The following SREK1IP1 variants were observed in gnomAD, a reference collection of about 807,000 sequenced individuals.
SREK1IP1 encodes protein SREK1IP1.
SREK1IP1 carries 12 observed loss-of-function variants against 22.8 expected under a neutral mutation model. That is an observed-to-expected ratio of 0.53 (90% CI 0.34 to 0.85). The LOEUF is 0.85. Ranked by LOEUF, SREK1IP1 falls within the 40% of genes least tolerant of loss-of-function variation. The pLI is 0.02. For synonymous variants in SREK1IP1, 53 were observed against 52.7 expected, an observed-to-expected ratio of 1.01 and a Z score of -0.02; for missense variants, 147 against 171.8, an observed-to-expected ratio of 0.86 and a Z score of 0.81.
At position 64,732,920 on chromosome 5, in the gene SREK1IP1, A is replaced by G. The variant is rs555206801; in HGVS notation, c.206-4741T>C. 1.7e-3 allele frequency among the ~76,000 whole-genome samples: 242 copies of G among 139,894 alleles called. 2 individuals are homozygous for G. The highest frequency in any genetic ancestry group is 3.9e-3 in the Admixed American group (55 of 14,104). 91.8% of individuals were successfully genotyped at this position (139,894 alleles called of 152,430 possible). A position where few individuals can be genotyped will look rare whatever the true frequency, so the allele number is the denominator to read the frequency against. ...AATAGAACCAACTGATTTTTTGGGGAAAAAAAAAAAAAAGCAAAGCAATTT... is the reference window on the plus strand; with the variant it reads ...AATAGAACCAACTGATTTTTTGGGGGAAAAAAAAAAAAAGCAAAGCAATTT... On this transcript the variant is annotated intron_variant, in intron 3 of 4. Transcript: ENST00000513458.
chr5:64,723,849 C>A lies in SREK1IP1; in HGVS notation c.*535G>T, dbSNP rs1742215136. On this transcript the variant is annotated 3_prime_UTR_variant, in exon 5 of 5. Transcript: ENST00000513458. ...AGTCAAGACCATTAAGCAGCTGCATCTTCTACAACATTGAAAAAAAATCCC... is the reference window on the plus strand; with the variant it reads ...AGTCAAGACCATTAAGCAGCTGCATATTCTACAACATTGAAAAAAAATCCC... 1 of 152,544 alleles carries A rather than the reference C, an allele frequency of 6.6e-6. No homozygotes were observed. Among genetic ancestry groups the A allele is most frequent in the Non-Finnish European group, 1.5e-5 (1 of 68,006 alleles). 9.4% of individuals were successfully genotyped at this position (152,544 alleles called of 1,614,324 possible).
At position 64,749,637 on chromosome 5, in the gene SREK1IP1, C is replaced by T. The variant is rs547456645; in HGVS notation, c.61+4678G>A. Among the ~76,000 whole-genome samples, 516 of 152,126 alleles carry T rather than the reference C, an allele frequency of 3.4e-3. 2 individuals are homozygous for T. Among genetic ancestry groups the T allele is most frequent in the Middle Eastern group, 0.017 (5 of 294 alleles). Reference sequence around the variant, plus strand: ...TTTGTTTTTTGTAGAGATGAGGTTTCGCCATGTTGCCCAGGCTGGTTTCAA... The same window carrying T: ...TTTGTTTTTTGTAGAGATGAGGTTTTGCCATGTTGCCCAGGCTGGTTTCAA... On this transcript the variant is annotated intron_variant, in intron 2 of 4. Transcript: ENST00000513458.
intron 2 of SREK1IP1, among the ~76,000 whole-genome samples, chr5:64,751,692 ATTT>A (rs1742743667): frequency 6.6e-6 from 1 of 152,182 alleles, no homozygotes; most frequent in Admixed American, 6.5e-5. Flanking sequence ...ACTTCTACAG[ATTT>A]CTAGGGAGGC....
chr5:64,758,328 C>T (rs1167110506), intron 1 of SREK1IP1, among the ~76,000 whole-genome samples: 1 of 151,982 alleles, frequency 6.6e-6, no homozygotes, highest in African/African-American at 2.4e-5. Context: ...GCCACCACAC[C>T]CGGCTAATTT....
intron 3 of SREK1IP1, among the ~76,000 whole-genome samples, chr5:64,730,097 C>T (rs1456910513): frequency 6.6e-6 from 1 of 152,028 alleles, no homozygotes; most frequent in Non-Finnish European, 1.5e-5. Context: ...CATTTACGGG[C>T]TGAGAAGAGC....
intron 4 of SREK1IP1, among the ~76,000 whole-genome samples, chr5:64,725,952 C>T (rs1430458916): frequency 9.3e-5 from 14 of 150,458 alleles, no homozygotes; most frequent in Admixed American, 2.0e-4. Flanking sequence ...GCAACCTCCG[C>T]TCCCCCGAGT....
intron 3 of SREK1IP1, among the ~76,000 whole-genome samples, chr5:64,732,953 G>T (rs1742403105): frequency 6.6e-6 from 1 of 150,618 alleles, no homozygotes; most frequent in South Asian, 2.1e-4. Flanking sequence ...TTTAATGCAG[G>T]AAAGACACTT....
intron 1 of SREK1IP1, among the ~76,000 whole-genome samples, chr5:64,757,649 C>T (rs934050264): frequency 6.6e-6 from 1 of 152,080 alleles, no homozygotes; most frequent in Non-Finnish European, 1.5e-5. Context: ...TGTGAACATC[C>T]ATCAACATCT....
rs931699120 is a variant in SREK1IP1 at position 64,742,271 on chromosome 5, T to C, written c.62-1071A>G. Among the ~76,000 whole-genome samples, 61 of 152,078 alleles carry C rather than the reference T, an allele frequency of 4.0e-4. 1 individual carries two copies. Among genetic ancestry groups the C allele is most frequent in the Admixed American group, 3.6e-3 (55 of 15,246 alleles). On this transcript the variant is annotated intron_variant, in intron 2 of 4. Transcript: ENST00000513458. ...TCCAGTAGTTTGCTATTATAAAAAG[T>C]GTTTAAATGGGCAGTTGTACATGTC...
intron 1 of SREK1IP1, among the ~76,000 whole-genome samples, chr5:64,765,496 G>A (rs1338645275): frequency 6.6e-6 from 1 of 152,100 alleles, no homozygotes; most frequent in East Asian, 1.9e-4. Flanking sequence ...GTTTAGATTA[G>A]CCCTATTTTC....
chr5:64,742,856 A>G (rs1223248036), intron 2 of SREK1IP1, among the ~76,000 whole-genome samples: 2 of 152,136 alleles, frequency 1.3e-5, no homozygotes, highest in African/African-American at 4.8e-5. Context: ...CATTTTATAC[A>G]AGTTTCTTAG....
intron 1 of SREK1IP1, 198 bp from the exon 2 acceptor site, chr5:64,754,560 C>T (rs1433882294): frequency 1.2e-5 from 6 of 495,878 alleles, no homozygotes; most frequent in Non-Finnish European, 2.2e-5. Flanking sequence ...CAGCTCCTGG[C>T]TCAGGCGATC....
At chr5:64,724,842 G>A (rs1318180325) in intron 4 of SREK1IP1, among the ~76,000 whole-genome samples, 1 of 152,044 alleles carries the variant, frequency 6.6e-6, no homozygotes, top group African/African-American at 2.4e-5. Context: ...TTATTTTTCT[G>A]TGATTTTTGG....
chr5:64,748,782 A>G (rs1031070839), intron 2 of SREK1IP1, among the ~76,000 whole-genome samples: 7 of 152,154 alleles, frequency 4.6e-5, no homozygotes, highest in African/African-American at 1.7e-4. Flanking sequence ...GTGATCAAGC[A>G]ATTTGCCTAA....
chr5:64,731,676 T>A (rs1199974179), intron 3 of SREK1IP1, among the ~76,000 whole-genome samples: 1 of 152,112 alleles, frequency 6.6e-6, no homozygotes, highest in Admixed American at 6.6e-5. Flanking sequence ...GTTGATGATG[T>A]CTTGAACATA....
rs971830177 is a variant in SREK1IP1 at position 64,719,310 on chromosome 5, C to A, written c.*5074G>T. 6.6e-6 allele frequency: 1 copy of A among 152,040 alleles called. No individual in the cohort carries two copies. The highest frequency in any genetic ancestry group is 2.4e-5 in the African/African-American group (1 of 41,384). The allele number at this position is 152,040 out of a possible 1,614,324, so 9.4% of individuals were successfully genotyped here. A position where few individuals can be genotyped will look rare whatever the true frequency, so the allele number is the denominator to read the frequency against. On this transcript the variant is annotated 3_prime_UTR_variant, in exon 5 of 5. Transcript: ENST00000513458. ...TACTGCCAAAGTTGAACTTCACATTCAAAAATACAATTTTGCAAAGGTTTA... is the reference window on the plus strand; with the variant it reads ...TACTGCCAAAGTTGAACTTCACATTAAAAAATACAATTTTGCAAAGGTTTA...
At chr5:64,750,662 C>T (rs1275403802) in intron 2 of SREK1IP1, among the ~76,000 whole-genome samples, 5 of 152,170 alleles carry the variant, frequency 3.3e-5, no homozygotes, top group Admixed American at 1.3e-4. Flanking sequence ...AAACTCCCTA[C>T]CTAAGGAGGC....
At chr5:64,729,328 C>T (rs1307848830) in intron 3 of SREK1IP1, among the ~76,000 whole-genome samples, 1 of 152,078 alleles carries the variant, frequency 6.6e-6, no homozygotes, top group Non-Finnish European at 1.5e-5. Context: ...AAGTGAACAG[C>T]AAGGGTAGTG....
intron 2 of SREK1IP1, among the ~76,000 whole-genome samples, chr5:64,748,726 T>A (rs1472596012): frequency 1.3e-5 from 2 of 152,132 alleles, no homozygotes; most frequent in Non-Finnish European, 2.9e-5. Flanking sequence ...TCTATGGGAT[T>A]AGGTACTACA....
Sources: allele counts gnomAD v4.1 joint callset (sites outside exome capture counted in the v4.1 genomes callset), GRCh38; gene constraint gnomAD v4.1.1; transcripts MANE v1.5; gene names NCBI Gene and HGNC (gene_info 2026-07-23, HGNC 2026-07-21).